RIMBP2: variants seen among roughly 807,000 people sequenced by gnomAD.
RIMBP2 encodes RIMS binding protein 2, also known as RIMS-binding protein 2.
A neutral mutation model predicts 118.6 loss-of-function variants in RIMBP2; 48 were observed. The ratio of observed to expected loss-of-function variants is 0.40; its 90% CI spans 0.32 to 0.51. The LOEUF (loss-of-function observed/expected upper bound fraction) is 0.51. Ranked by LOEUF, RIMBP2 falls within the 20% of genes least tolerant of loss-of-function variation. The pLI is 0.41. For synonymous variants in RIMBP2, 762 were observed against 742.9 expected (o/e 1.03, Z -0.42); for missense variants, 1,551 against 1,768.3 (o/e 0.88, Z 2.20).
rs2063152245 is a variant in RIMBP2 at position 130,649,832 on chromosome 12, G to C, written c.-351-21376C>G. ...CCCCAGCCCCCGAAGAGGACGTGCGGGTGCTGGGAGTACTCTACTCAGTGA... is the reference window on the plus strand; with the variant it reads ...CCCCAGCCCCCGAAGAGGACGTGCGCGTGCTGGGAGTACTCTACTCAGTGA... On this transcript the variant is annotated intron_variant, in intron 1 of 22. Coordinates refer to ENST00000690449, the MANE Select transcript of RIMBP2 (RefSeq NM_001393629.1). Among the ~76,000 whole-genome samples, 3 of 151,926 alleles carry C rather than the reference G, an allele frequency of 2.0e-5. No homozygotes were observed. In the South Asian group the frequency reaches 6.2e-4, roughly 32 times the overall value.
chr12:130,456,790 CATGTGCACT>C, intron 6 of RIMBP2, 90 bp from the exon 7 acceptor site: 1 of 1,005,670 alleles, frequency 9.9e-7, no homozygotes, highest in South Asian at 1.6e-5. Flanking sequence ...TACGTGTGCA[CATGTGCACT>C]GTGTGCACGT....
Position 130,708,873 on chromosome 12 carries a change from C to T in RIMBP2, c.-352+7349G>A, listed in dbSNP as rs189131587. On this transcript the variant is annotated intron_variant, in intron 1 of 22. Coordinates refer to ENST00000690449, the MANE Select transcript of RIMBP2 (RefSeq NM_001393629.1). ...CTCTGGGATCTCACAGGTCCTGCAG[C>T]GCTGTAGTCCCAACCCAGCTTCGCG... Among the ~76,000 whole-genome samples the T allele has an allele frequency of 4.6e-5, 7 of 152,324 alleles. No individual in the cohort carries two copies. In the East Asian group the frequency reaches 5.8e-4, roughly 13 times the overall value.
chr12:130,502,144 C>T (rs563156636), intron 4 of RIMBP2, among the ~76,000 whole-genome samples: 2 of 152,288 alleles, frequency 1.3e-5, no homozygotes, highest in South Asian at 2.1e-4. Context: ...CCAGCCCAAC[C>T]AACCAAGACC....
At position 130,523,153 on chromosome 12, in the gene RIMBP2, G is replaced by A. The variant is rs1175349084; in HGVS notation, c.-216-5236C>T. Among the ~76,000 whole-genome samples, 1 of 151,450 alleles carries A rather than the reference G, an allele frequency of 6.6e-6. No homozygotes were observed. Among genetic ancestry groups the A allele is most frequent in the Non-Finnish European group, 1.5e-5 (1 of 67,902 alleles). ...CCTCTCTCTCTCTCTCTGCCTCCATGTCTGTCTGTGTCTCTGTTTCTCTGC... is the reference window on the plus strand; with the variant it reads ...CCTCTCTCTCTCTCTCTGCCTCCATATCTGTCTGTGTCTCTGTTTCTCTGC... On this transcript the variant is annotated intron_variant, in intron 2 of 22. Coordinates refer to ENST00000690449, the MANE Select transcript of RIMBP2 (RefSeq NM_001393629.1). The surrounding 1 kb of genome is among the most constrained non-coding windows in gnomAD (Gnocchi z 4.4).
chr12:130,468,020 A>G (rs538369863), intron 6 of RIMBP2, among the ~76,000 whole-genome samples: 1 of 152,318 alleles, frequency 6.6e-6, no homozygotes, highest in African/African-American at 2.4e-5. Flanking sequence ...CAGGCTGCCC[A>G]GTGGAATGTT....
intron 1 of RIMBP2, among the ~76,000 whole-genome samples, chr12:130,664,243 T>G (rs1214142243): frequency 6.6e-6 from 1 of 150,932 alleles, no homozygotes; most frequent in Non-Finnish European, 1.5e-5. Context: ...GAGGAGGGAG[T>G]TGAAATACAG....
intron 1 of RIMBP2, among the ~76,000 whole-genome samples, chr12:130,686,968 TTGCACAGGC>T (rs1303256335): frequency 3.9e-5 from 6 of 152,314 alleles, no homozygotes; most frequent in African/African-American, 1.4e-4. Flanking sequence ...TGGGAAGCAT[TTGCACAGGC>T]TGCAAAGCGC....
intron 2 of RIMBP2, among the ~76,000 whole-genome samples, chr12:130,574,904 G>A (rs1996243): frequency 0.26 from 37,891 of 147,146 alleles, 5,991 homozygotes; most frequent in East Asian, 0.36. Context: ...TCACCCATGC[G>A]TTGTGAGCAG....
Position 130,670,748 on chromosome 12 carries a change from G to C in RIMBP2, c.-351-42292C>G, listed in dbSNP as rs1389058463. ...ACCAGCTCATGAGAAGTCTGTTAAA[G>C]AAGATTTAGGAAGACTTTTCTTTCC... is the stretch of plus-strand genomic sequence containing the variant. On this transcript the variant is annotated intron_variant, in intron 1 of 22. Transcript: ENST00000690449. This position sits in a 1 kb window ranked among gnomAD's most constrained non-coding sequence, Gnocchi z 4.9. 3.3e-5 allele frequency among the ~76,000 whole-genome samples: 5 copies of C among 152,132 alleles called. No individual in the cohort carries two copies. The highest frequency in any genetic ancestry group is 1.2e-4 in the African/African-American group (5 of 41,434).
chr12:130,665,322 C>G (rs1224903275), intron 1 of RIMBP2, among the ~76,000 whole-genome samples: 1 of 151,512 alleles, frequency 6.6e-6, no homozygotes, highest in East Asian at 1.9e-4. Context: ...CTCAAGAGTT[C>G]AAGACCAGCC....
At position 130,424,403 on chromosome 12, in the gene RIMBP2, C is replaced by T. The variant is rs1212217963; in HGVS notation, c.2868G>A (p.Pro956=). ...TCAGCGTCCGCCGCCGGGCCAGCAG[C>T]GGCCTCGGGCCCCTCCTGCAGGGAC... ...GHCPCRRGPR[P]LLARRRTLTR... The change falls in exon 16 of 23, where the codon CCG becomes CCA. Residue 956 remains proline, a synonymous_variant. Coordinates refer to ENST00000690449, the MANE Select transcript of RIMBP2 (RefSeq NM_001393629.1). This position sits in a 1 kb window ranked among gnomAD's most constrained non-coding sequence, Gnocchi z 9.8. 3.4e-5 allele frequency: 42 copies of T among 1,232,606 alleles called. No homozygotes were observed. Among genetic ancestry groups the T allele is most frequent in the South Asian group, 8.2e-5 (2 of 24,342 alleles). The allele number at this position is 1,232,606 out of a possible 1,614,324, so 76.4% of individuals were successfully genotyped here.
At chr12:130,646,592 G>A (rs79246502) in intron 1 of RIMBP2, among the ~76,000 whole-genome samples, 1,782 of 151,366 alleles carry the variant, frequency 0.012, 39 homozygotes, top group African/African-American at 0.04. Context: ...GCAAGCACAC[G>A]CATCTCCACA....
At chr12:130,402,579 T>C (rs1046720775) in intron 21 of RIMBP2, among the ~76,000 whole-genome samples, 4 of 152,160 alleles carry the variant, frequency 2.6e-5, no homozygotes, top group African/African-American at 9.7e-5. Context: ...CCTTGACCTT[T>C]CCCTCCTCAG....
intron 4 of RIMBP2, among the ~76,000 whole-genome samples, chr12:130,480,900 C>A (rs550159967): frequency 6.6e-6 from 1 of 152,374 alleles, no homozygotes; most frequent in East Asian, 1.9e-4. Context: ...CGCGCCCGAC[C>A]ACCTTTTACT....
intron 2 of RIMBP2, among the ~76,000 whole-genome samples, chr12:130,537,385 A>T (rs946236610): frequency 2.6e-5 from 4 of 152,108 alleles, no homozygotes; most frequent in African/African-American, 9.7e-5. Context: ...GACAGGGAGG[A>T]GGTCTGGGAA....
intron 2 of RIMBP2, among the ~76,000 whole-genome samples, chr12:130,555,143 C>T (rs970041035): frequency 3.9e-5 from 6 of 152,180 alleles, no homozygotes; most frequent in East Asian, 1.9e-4. Context: ...TTGAACCCTG[C>T]GATCTGACTC....
chr12:130,564,628 T>C (rs2057082432), intron 2 of RIMBP2, among the ~76,000 whole-genome samples: 1 of 152,182 alleles, frequency 6.6e-6, no homozygotes, highest in African/African-American at 2.4e-5. Flanking sequence ...TCAAAGACAT[T>C]ACGCTAAGTG....
chr12:130,548,603 T>C (rs1436493945), intron 2 of RIMBP2, among the ~76,000 whole-genome samples: 1 of 151,934 alleles, frequency 6.6e-6, no homozygotes, highest in East Asian at 1.9e-4. Context: ...AGACAGAGTC[T>C]CACTCTGTCA....
intron 9 of RIMBP2, among the ~76,000 whole-genome samples, chr12:130,449,981 C>A (rs1048407751): frequency 6.6e-6 from 1 of 152,072 alleles, no homozygotes; most frequent in African/African-American, 2.4e-5. Flanking sequence ...TTTCAGGCCA[C>A]CAGGTTTGTG....
Sources: gnomAD v4.1 joint callset for allele counts (sites outside exome capture counted in the v4.1 genomes callset) on GRCh38, gnomAD v4.1.1 for gene constraint, Gnocchi (gnomAD v3.1) non-coding constraint, MANE v1.5 for transcripts, NCBI Gene and HGNC (gene_info 2026-07-23, HGNC 2026-07-21) for gene names.